The following PIP5K1B variants were observed in gnomAD, a reference collection of about 807,000 sequenced individuals.
PIP5K1B encodes phosphatidylinositol-4-phosphate 5-kinase type 1 beta, also known as phosphatidylinositol 4-phosphate 5-kinase type-1 beta.
In PIP5K1B, 42 loss-of-function variants were observed where a neutral mutation model predicts 67.0. The ratio of observed to expected loss-of-function variants is 0.63; its 90% confidence interval spans 0.49 to 0.81. PIP5K1B has a LOEUF of 0.81. Ranked by LOEUF, PIP5K1B falls within the 30% of genes least tolerant of loss-of-function variation. The pLI is 0.00. For synonymous variants in PIP5K1B, 214 were observed against 231.4 expected (o/e 0.92, Z 0.68); for missense variants, 459 against 646.3 (o/e 0.71, Z 3.14).
chr9:68,955,602 A>G (rs1305911731), intron 14 of PIP5K1B, among the ~76,000 whole-genome samples: 1 of 152,242 alleles, frequency 6.6e-6, no homozygotes, highest in Non-Finnish European at 1.5e-5. Context: ...TTAAGAATAC[A>G]CAGCTCTCAG....
chr9:68,991,111 A>G (rs1414194654), intron 14 of PIP5K1B, 29 bp from the exon 15 acceptor site: 2 of 1,285,592 alleles, frequency 1.6e-6, no homozygotes. Flanking sequence ...TGGGGGCCTC[A>G]TGCCCATCAT....
chr9:68,825,333 G>A (rs976509066), intron 4 of PIP5K1B, among the ~76,000 whole-genome samples: 4 of 152,172 alleles, frequency 2.6e-5, no homozygotes, highest in Admixed American at 1.3e-4. Context: ...TGATGGTCTC[G>A]AAAACTGGCA....
chr9:68,999,965 G>A (rs1422544889), intron 15 of PIP5K1B, among the ~76,000 whole-genome samples: 1 of 152,144 alleles, frequency 6.6e-6, no homozygotes, highest in African/African-American at 2.4e-5. Flanking sequence ...CAGGCGGCGG[G>A]GGTATGTCCT....
At chr9:68,753,500 C>T (rs577491646) in intron 2 of PIP5K1B, among the ~76,000 whole-genome samples, 52 of 132,704 alleles carry the variant, frequency 3.9e-4, no homozygotes, top group Admixed American at 8.9e-4. Context: ...CCACCATGCC[C>T]GGCTAATTTT....
chr9:68,886,351 A>G (rs1447450320), intron 6 of PIP5K1B, among the ~76,000 whole-genome samples: 1 of 152,204 alleles, frequency 6.6e-6, no homozygotes, highest in Non-Finnish European at 1.5e-5. Flanking sequence ...AATAAAACCA[A>G]AAACAGACTT....
At chr9:68,836,644 T>C (rs1170605376) in intron 4 of PIP5K1B, among the ~76,000 whole-genome samples, 2 of 152,076 alleles carry the variant, frequency 1.3e-5, no homozygotes, top group Non-Finnish European at 2.9e-5. Flanking sequence ...CACACACATA[T>C]GTATAGCTTA....
intron 14 of PIP5K1B, among the ~76,000 whole-genome samples, chr9:68,985,926 T>C (rs1830077782): frequency 6.6e-6 from 1 of 152,272 alleles, no homozygotes; most frequent in Non-Finnish European, 1.5e-5. Flanking sequence ...TTCCTCATGT[T>C]GTTGCATATA....
intron 2 of PIP5K1B, chr9:68,784,455 A>G (rs770574322): frequency 5.8e-4 from 97 of 166,942 alleles, no homozygotes; most frequent in Non-Finnish European, 2.5e-4. Flanking sequence ...ACCCTTAAGC[A>G]TACTTAAAAG....
At chr9:68,911,950 C>T (rs1264537433) in intron 8 of PIP5K1B, among the ~76,000 whole-genome samples, 16 of 152,068 alleles carry the variant, frequency 1.1e-4, no homozygotes, top group Admixed American at 1.0e-3. Flanking sequence ...TGGGCTGCAG[C>T]TTAGGAATGA....
intron 2 of PIP5K1B, among the ~76,000 whole-genome samples, chr9:68,744,904 T>C (rs1829209186): frequency 6.6e-6 from 1 of 152,208 alleles, no homozygotes; most frequent in Admixed American, 6.5e-5. Flanking sequence ...TCCTGTCTGC[T>C]GGGTTCTATT....
intron 6 of PIP5K1B, among the ~76,000 whole-genome samples, chr9:68,888,365 A>G (rs1824593687): frequency 6.6e-6 from 1 of 152,176 alleles, no homozygotes; most frequent in Non-Finnish European, 1.5e-5. Context: ...AATTACCACA[A>G]AGGCACCATG....
At chr9:68,922,272 C>T in intron 11 of PIP5K1B, among the ~76,000 whole-genome samples, 1 of 152,054 alleles carries the variant, frequency 6.6e-6, no homozygotes, top group Non-Finnish European at 1.5e-5. Flanking sequence ...CGAGACCAGC[C>T]TGGCCAACAT....
intron 14 of PIP5K1B, among the ~76,000 whole-genome samples, chr9:68,969,592 A>T (rs951873424): frequency 1.3e-5 from 2 of 152,116 alleles, no homozygotes; most frequent in Admixed American, 6.5e-5. Context: ...ATTTATAAGA[A>T]ATTGCTAGAA....
chr9:69,000,720 A>C lies in PIP5K1B; in HGVS notation c.1621-7727A>C, dbSNP rs529984712. Among the ~76,000 whole-genome samples, 7 of 152,320 alleles carry C rather than the reference A, an allele frequency of 4.6e-5. No individual in the cohort carries two copies. In the South Asian group the frequency reaches 1.0e-3, roughly 23 times the overall value. ...GCCTCGTTTTAATCTGATTACCTCT[A>C]TAAAGACCCTGCCTCCAAATAAGGT... On this transcript the variant is annotated intron_variant, in intron 15 of 15. Transcript: ENST00000265382.
At chr9:68,899,839 TG>T (rs1825273414) in intron 8 of PIP5K1B, among the ~76,000 whole-genome samples, 1 of 152,174 alleles carries the variant, frequency 6.6e-6, no homozygotes, top group Admixed American at 6.6e-5. Context: ...GAGGGTTTGC[TG>T]TACAGATTAT....
chr9:68,744,457 A>AT (rs1488392041), intron 2 of PIP5K1B, among the ~76,000 whole-genome samples: 1 of 152,206 alleles, frequency 6.6e-6, no homozygotes, highest in Admixed American at 6.5e-5. Flanking sequence ...CCCCACTTTA[A>AT]TTTGCCAGAT....
intron 2 of PIP5K1B, among the ~76,000 whole-genome samples, chr9:68,773,840 A>T (rs1830780410): frequency 6.6e-6 from 1 of 152,134 alleles, no homozygotes; most frequent in Non-Finnish European, 1.5e-5. Context: ...CTCAATGATT[A>T]TTTGCAAATT....
intron 2 of PIP5K1B, among the ~76,000 whole-genome samples, chr9:68,761,593 TG>T (rs1274484896): frequency 6.6e-6 from 1 of 152,150 alleles, no homozygotes; most frequent in Non-Finnish European, 1.5e-5. Context: ...TTGGAGGCTC[TG>T]GGGAAGAATT....
chr9:68,968,286 G>A (rs528167657), intron 14 of PIP5K1B, among the ~76,000 whole-genome samples: 21 of 152,282 alleles, frequency 1.4e-4, no homozygotes, highest in South Asian at 1.0e-3. Flanking sequence ...TTGGGAGGCC[G>A]AGGCAGGTGG....
Sources: allele counts gnomAD v4.1 joint callset (sites outside exome capture counted in the v4.1 genomes callset), GRCh38; gene constraint gnomAD v4.1.1; transcripts MANE v1.5; gene names NCBI Gene and HGNC (gene_info 2026-07-23, HGNC 2026-07-21).